LZTS1: variants seen among roughly 807,000 people sequenced by gnomAD.
The protein encoded by LZTS1 is leucine zipper tumor suppressor 1, also known as leucine zipper putative tumor suppressor 1.
In LZTS1, 31 loss-of-function variants were observed where a neutral mutation model predicts 45.8. The observed-to-expected ratio is 0.68, with a 90% CI of 0.51 to 0.91. The LOEUF (loss-of-function observed/expected upper bound fraction) is 0.91, where lower values mean the gene tolerates loss of function less well. Ranked by LOEUF, LZTS1 falls within the 40% of genes least tolerant of loss-of-function variation. The pLI is 0.00. For synonymous variants in LZTS1, 359 were observed against 357.3 expected (o/e 1.00, Z -0.05); for missense variants, 821 against 788.9 (o/e 1.04, Z -0.49).
chr8:20,276,392 C>A (rs1463049080), intron 1 of LZTS1, among the ~76,000 whole-genome samples: 1 of 152,104 alleles, frequency 6.6e-6, no homozygotes. Context: ...AGTTGATCAC[C>A]AATGGCCAAT....
Position 20,249,583 on chromosome 8 carries a change from C to T in LZTS1, c.*139G>A, listed in dbSNP as rs1799824961. ...GAGAGGGAAGGAAAGGCCATCCTGC[C>T]CTCCCCTCGGGGGTCCTGGGTCTGT... On this transcript the variant is annotated 3_prime_UTR_variant, in exon 4 of 4. Transcript: ENST00000381569. The T allele has an allele frequency of 1.5e-5, 16 of 1,072,586 alleles. No homozygotes were observed. In the Admixed American group the frequency reaches 4.1e-4, roughly 28 times the overall value. 66.4% of individuals were successfully genotyped at this position (1,072,586 alleles called of 1,614,324 possible).
chr8:20,249,784 A>G lies in LZTS1; in HGVS notation c.1729T>C (p.Leu577=), dbSNP rs748832068. ...TCAGCCCCTTCCAGGTCAACCTCCA[A>G]GGGCTCCCCGGCGCTGTCCCCACGT... The part of the protein sequence containing the change: ...LARGDSAGEP[L]EVDLEGADIP... The change falls in exon 4 of 4, where the codon TTG becomes CTG. Residue 577 remains leucine (L), a synonymous_variant. Coordinates refer to ENST00000381569, the MANE Select transcript of LZTS1 (RefSeq NM_021020.5). 3 of 1,613,646 alleles carry G rather than the reference A, an allele frequency of 1.9e-6. No homozygotes were observed. Among genetic ancestry groups the G allele is most frequent in the Middle Eastern group, 1.7e-4 (1 of 6,060 alleles).
intron 1 of LZTS1, among the ~76,000 whole-genome samples, chr8:20,287,770 T>C (rs976352211): frequency 6.6e-6 from 1 of 151,654 alleles, no homozygotes; most frequent in Admixed American, 6.6e-5. Context: ...CTACTGAAAA[T>C]ACAAAATTAG....
At chr8:20,268,542 G>A (rs1420094846) in intron 1 of LZTS1, among the ~76,000 whole-genome samples, 1 of 152,060 alleles carries the variant, frequency 6.6e-6, no homozygotes, top group Non-Finnish European at 1.5e-5. Context: ...GGGGGCCAGG[G>A]CTGGGGCAGG....
At chr8:20,282,338 T>G (rs960180005) in intron 1 of LZTS1, among the ~76,000 whole-genome samples, 2 of 152,228 alleles carry the variant, frequency 1.3e-5, no homozygotes, top group Admixed American at 6.5e-5. Context: ...CTGCTGGGCC[T>G]CTGATCTGGC....
intron 1 of LZTS1, among the ~76,000 whole-genome samples, chr8:20,274,013 C>T (rs182369027): frequency 2.6e-5 from 4 of 152,188 alleles, no homozygotes; most frequent in Middle Eastern, 3.4e-3. Context: ...GGTTTTCCCA[C>T]GCTGCTCCCT....
chr8:20,267,295 G>T (rs548053670), intron 1 of LZTS1, among the ~76,000 whole-genome samples: 1 of 152,014 alleles, frequency 6.6e-6, no homozygotes, highest in Admixed American at 6.6e-5. Context: ...TGTAGACCTG[G>T]TCTCCATGTT....
intron 3 of LZTS1, among the ~76,000 whole-genome samples, chr8:20,251,214 A>T (rs1799899621): frequency 6.7e-6 from 1 of 148,150 alleles, no homozygotes; most frequent in Non-Finnish European, 1.5e-5. Flanking sequence ...CATTGCCACC[A>T]TGGCTAATGT....
At chr8:20,294,654 C>G (rs1028508118) in intron 1 of LZTS1, among the ~76,000 whole-genome samples, 2 of 152,150 alleles carry the variant, frequency 1.3e-5, no homozygotes, top group South Asian at 2.1e-4. Flanking sequence ...ATGCTTCCCT[C>G]CCTCCTCCCC....
chr8:20,275,094 C>T (rs1204316071), intron 1 of LZTS1, among the ~76,000 whole-genome samples: 1 of 152,048 alleles, frequency 6.6e-6, no homozygotes, highest in Non-Finnish European at 1.5e-5. Flanking sequence ...ATGGATAACT[C>T]ATTAACTGGG....
chr8:20,262,110 C>A (rs1034199928), intron 1 of LZTS1, among the ~76,000 whole-genome samples: 3 of 152,184 alleles, frequency 2.0e-5, no homozygotes, highest in African/African-American at 4.8e-5. Flanking sequence ...CATTCCCCCC[C>A]AGAACTTTTG....
rs531155902 is a variant in LZTS1, at chr8:20,251,342, A to G, written c.1150-979T>C. 6.6e-4 allele frequency among the ~76,000 whole-genome samples: 100 copies of G among 151,808 alleles called. 2 individuals are homozygous for G. In the South Asian group the frequency reaches 0.02, roughly 30 times the overall value. ...AATACAGGGTTGGCCTTGGAATGAA[A>G]TTCTTGGTCCCAAGCACGCATCCTG... On this transcript the variant is annotated intron_variant, in intron 3 of 3. Coordinates refer to ENST00000381569, the MANE Select transcript of LZTS1 (RefSeq NM_021020.5).
rs753666012 is a variant in LZTS1 at position 20,250,191 on chromosome 8, C to T, written c.1322G>A (p.Arg441His). ...LRTQDLEGAL[R>H]TKGLELEVCE... is the part of the protein sequence containing the mutation. ...GACCTCCAGCTCCAGGCCCTTGGTGCGCAGGGCGCCCTCCAGGTCCTGGGT... is the reference window on the plus strand; with the variant it reads ...GACCTCCAGCTCCAGGCCCTTGGTGTGCAGGGCGCCCTCCAGGTCCTGGGT... Residue 441 changes from arginine (R) to histidine (H), a missense_variant, in exon 4 of 4, where the codon CGC becomes CAC. Coordinates refer to ENST00000381569, the MANE Select transcript of LZTS1 (RefSeq NM_021020.5). 1.1e-5 allele frequency: 18 copies of T among 1,610,004 alleles called. No individual in the cohort carries two copies. Among genetic ancestry groups the T allele is most frequent in the African/African-American group, 6.7e-5 (5 of 74,828 alleles).
intron 1 of LZTS1, among the ~76,000 whole-genome samples, chr8:20,264,692 G>A (rs7015008): frequency 0.25 from 38,359 of 152,048 alleles, 5,083 homozygotes; most frequent in Middle Eastern, 0.37. Flanking sequence ...GAGGCAGCCT[G>A]GAACTCGAGG....
intron 2 of LZTS1, among the ~76,000 whole-genome samples, chr8:20,254,000 C>G (rs543774784): frequency 1.2e-4 from 18 of 152,206 alleles, no homozygotes; most frequent in Non-Finnish European, 2.4e-4. Context: ...AGCAAGGACA[C>G]GGACCTGGCC....
intron 1 of LZTS1, among the ~76,000 whole-genome samples, chr8:20,270,143 G>A (rs966033703): frequency 1.3e-5 from 2 of 152,288 alleles, no homozygotes; most frequent in African/African-American, 4.8e-5. Context: ...GGCCAGCGAT[G>A]CTTCAGTGCG....
intron 3 of LZTS1, among the ~76,000 whole-genome samples, chr8:20,251,543 T>C (rs1361516658): frequency 6.6e-6 from 1 of 152,188 alleles, no homozygotes; most frequent in Non-Finnish European, 1.5e-5. Context: ...GGCCTTGGTC[T>C]CCCATGACCC....
intron 1 of LZTS1, among the ~76,000 whole-genome samples, chr8:20,297,062 C>T (rs760683563): frequency 6.6e-6 from 1 of 152,196 alleles, no homozygotes; most frequent in Non-Finnish European, 1.5e-5. Flanking sequence ...ATTCTCTTCT[C>T]CCCTGGGGGC....
chr8:20,283,906 A>G (rs1037722112), intron 1 of LZTS1, among the ~76,000 whole-genome samples: 9 of 152,180 alleles, frequency 5.9e-5, no homozygotes, highest in Non-Finnish European at 7.4e-5. Flanking sequence ...CCTAGGATCA[A>G]TGGAAATCTT....
Sources: gnomAD v4.1 joint callset for allele counts (sites outside exome capture counted in the v4.1 genomes callset) on GRCh38, gnomAD v4.1.1 for gene constraint, MANE v1.5 for transcripts, NCBI Gene and HGNC (gene_info 2026-07-23, HGNC 2026-07-21) for gene names.